Variants in SUPT3H observed in about 807,000 individuals in gnomAD.
The protein encoded by SUPT3H is transcription initiation protein SPT3 homolog.
Under a neutral mutation model 44.3 loss-of-function variants are expected in SUPT3H, and 44 were observed. That is an observed-to-expected ratio of 0.99 (90% CI 0.78 to 1.28). The LOEUF (loss-of-function observed/expected upper bound fraction) is 1.28. Among genes scored for constraint, SUPT3H ranks in the 50% most tolerant of loss-of-function variants. SUPT3H has a pLI of 0.00. For synonymous variants in SUPT3H, 124 were observed against 125.6 expected, an observed-to-expected ratio of 0.99 and a Z score of 0.09; for missense variants, 380 against 387.1, an observed-to-expected ratio of 0.98 and a Z score of 0.15.
At chr6:44,892,531 C>G (rs1206634637) in intron 10 of SUPT3H, among the ~76,000 whole-genome samples, 1 of 152,068 alleles carries the variant, frequency 6.6e-6, no homozygotes, top group Non-Finnish European at 1.5e-5. Flanking sequence ...CCCTAGCTAA[C>G]TAAGACAAAG....
intron 2 of SUPT3H, among the ~76,000 whole-genome samples, chr6:45,144,077 C>T (rs1410925044): frequency 6.6e-6 from 1 of 152,028 alleles, no homozygotes; most frequent in African/African-American, 2.4e-5. Flanking sequence ...AAAAATAAGT[C>T]CAGGAGCAGA....
chr6:45,125,938 AT>A (rs561320493), intron 2 of SUPT3H, among the ~76,000 whole-genome samples: 2 of 151,720 alleles, frequency 1.3e-5, no homozygotes, highest in South Asian at 2.1e-4. Flanking sequence ...TATCCCATCC[AT>A]TTTTTTTCAG....
intron 9 of SUPT3H, among the ~76,000 whole-genome samples, chr6:44,945,523 A>G (rs1773196049): frequency 6.6e-6 from 1 of 152,188 alleles, no homozygotes. Context: ...CACAAATGAT[A>G]AGAAGGTGAA....
chr6:45,273,531 C>G (rs541182876), intron 2 of SUPT3H, among the ~76,000 whole-genome samples: 1 of 152,112 alleles, frequency 6.6e-6, no homozygotes, highest in Non-Finnish European at 1.5e-5. Context: ...CATGTTATAA[C>G]AAGTTAGTAA....
chr6:44,901,286 A>G (rs1205141673), intron 10 of SUPT3H, among the ~76,000 whole-genome samples: 6 of 152,192 alleles, frequency 3.9e-5, no homozygotes, highest in African/African-American at 1.4e-4. Flanking sequence ...AAAAAATTAG[A>G]CGAATGGCTA....
At chr6:44,839,071 G>A (rs530718735) in intron 10 of SUPT3H, among the ~76,000 whole-genome samples, 113 of 152,230 alleles carry the variant, frequency 7.4e-4, no homozygotes, top group Middle Eastern at 6.8e-3. Context: ...GACAAGATCC[G>A]AGTTGTGGAG....
intron 2 of SUPT3H, among the ~76,000 whole-genome samples, chr6:45,173,018 T>A (rs1045204518): frequency 6.6e-6 from 1 of 152,130 alleles, no homozygotes; most frequent in Non-Finnish European, 1.5e-5. Flanking sequence ...TGTGATGAAA[T>A]AAAGACGCAA....
At chr6:45,161,030 G>A (rs529574031) in intron 2 of SUPT3H, among the ~76,000 whole-genome samples, 2 of 152,106 alleles carry the variant, frequency 1.3e-5, no homozygotes, top group South Asian at 4.2e-4. Context: ...AGCTCTGGTT[G>A]TTTAAGTGTG....
At chr6:45,273,186 T>C (rs1309802244) in intron 2 of SUPT3H, among the ~76,000 whole-genome samples, 1 of 152,210 alleles carries the variant, frequency 6.6e-6, no homozygotes, top group Non-Finnish European at 1.5e-5. Context: ...TCTATGGTAT[T>C]GGCCAGTTTC....
chr6:45,162,318 G>A (rs1310676236), intron 2 of SUPT3H, among the ~76,000 whole-genome samples: 1 of 152,030 alleles, frequency 6.6e-6, no homozygotes, highest in African/African-American at 2.4e-5. Context: ...GAGGGCAGGA[G>A]TTTGAGGCAG....
At chr6:45,367,640 TC>T (rs1369486301) in intron 1 of SUPT3H, among the ~76,000 whole-genome samples, 2 of 152,162 alleles carry the variant, frequency 1.3e-5, no homozygotes, top group Non-Finnish European at 2.9e-5. Flanking sequence ...CATGTTAAAC[TC>T]AAAGAGTAAG....
At chr6:45,071,828 G>C (rs1406318713) in intron 3 of SUPT3H, among the ~76,000 whole-genome samples, 1 of 152,160 alleles carries the variant, frequency 6.6e-6, no homozygotes, top group African/African-American at 2.4e-5. Context: ...ATGTGATACA[G>C]ATCTCTGATG....
chr6:45,290,580 C>T (rs1395886841), intron 2 of SUPT3H, among the ~76,000 whole-genome samples: 1 of 151,998 alleles, frequency 6.6e-6, no homozygotes, highest in Non-Finnish European at 1.5e-5. Flanking sequence ...ACAAAAATCC[C>T]GTAAGTTGGG....
chr6:44,843,302 T>C (rs1771300707), intron 10 of SUPT3H, among the ~76,000 whole-genome samples: 1 of 152,176 alleles, frequency 6.6e-6, no homozygotes, highest in South Asian at 2.1e-4. Flanking sequence ...ACATCAGTCT[T>C]AGTGGTGAAA....
At chr6:44,913,714 A>G (rs1337523362) in intron 10 of SUPT3H, among the ~76,000 whole-genome samples, 1 of 152,248 alleles carries the variant, frequency 6.6e-6, no homozygotes, top group Non-Finnish European at 1.5e-5. Flanking sequence ...GGTTGTGTCT[A>G]TGAGAACACA....
chr6:45,215,978 C>G (rs1199137788), intron 2 of SUPT3H, among the ~76,000 whole-genome samples: 1 of 152,136 alleles, frequency 6.6e-6, no homozygotes, highest in Admixed American at 6.5e-5. Flanking sequence ...CAGGATTTCT[C>G]AGGAGAAATC....
intron 10 of SUPT3H, among the ~76,000 whole-genome samples, chr6:44,922,665 C>T (rs944401132): frequency 3.3e-5 from 5 of 151,942 alleles, no homozygotes; most frequent in African/African-American, 7.2e-5. Flanking sequence ...TGTTATTTTT[C>T]TAATATTCAA....
intron 6 of SUPT3H, among the ~76,000 whole-genome samples, chr6:44,987,077 G>A (rs1012190310): frequency 1.3e-5 from 2 of 152,100 alleles, no homozygotes; most frequent in African/African-American, 2.4e-5. Context: ...GTTCTGGTGA[G>A]GGCTCTCTTC....
chr6:45,284,359 A>T (rs1778797380), intron 2 of SUPT3H, among the ~76,000 whole-genome samples: 1 of 152,196 alleles, frequency 6.6e-6, no homozygotes. Context: ...CAAGACTAAT[A>T]AAGAAGAAGT....
Sources: allele counts gnomAD v4.1 joint callset (sites outside exome capture counted in the v4.1 genomes callset), GRCh38; gene constraint gnomAD v4.1.1; transcripts MANE v1.5; gene names NCBI Gene and HGNC (gene_info 2026-07-23, HGNC 2026-07-21).